RPH3AL: variants seen among roughly 807,000 people sequenced by gnomAD.
RPH3AL encodes rab effector Noc2.
RPH3AL carries 38 observed loss-of-function variants against 43.1 expected under a neutral mutation model. That is an observed-to-expected ratio of 0.88 (90% CI 0.68 to 1.15). The LOEUF (loss-of-function observed/expected upper bound fraction) is 1.15, where lower values mean the gene tolerates loss of function less well. Among genes scored for constraint, RPH3AL ranks in the 50% most tolerant of loss-of-function variants. The pLI is 0.00. For missense variants in RPH3AL, 462 were observed against 423.2 expected (o/e 1.09, Z -0.81); for synonymous variants, 189 against 176.3 (o/e 1.07, Z -0.57).
At chr17:223,463 C>T (rs912316368) in intron 7 of RPH3AL, among the ~76,000 whole-genome samples, 3 of 152,236 alleles carry the variant, frequency 2.0e-5, no homozygotes, top group African/African-American at 7.2e-5. Context: ...GCGGGTTGAG[C>T]TCTTATGCCA....
At chr17:293,912 C>T (rs1309151424) in intron 5 of RPH3AL, among the ~76,000 whole-genome samples, 1 of 151,946 alleles carries the variant, frequency 6.6e-6, no homozygotes, top group Non-Finnish European at 1.5e-5. Context: ...ACCCGGAATC[C>T]CAGCTACTTG....
chr17:315,840 C>A (rs1555520238), intron 5 of RPH3AL, among the ~76,000 whole-genome samples: 49 of 151,536 alleles, frequency 3.2e-4, no homozygotes, highest in Admixed American at 6.6e-4. Flanking sequence ...CCTGTGCCCC[C>A]ACCTCCATTG....
At chr17:235,651 A>C (rs372043634) in intron 7 of RPH3AL, among the ~76,000 whole-genome samples, 210 of 72,586 alleles carry the variant, frequency 2.9e-3, no homozygotes, top group South Asian at 4.1e-3. Flanking sequence ...AGATGGATCC[A>C]GGGTTCAAAG....
chr17:223,571 G>A (rs1358855712), intron 7 of RPH3AL, among the ~76,000 whole-genome samples: 3 of 152,222 alleles, frequency 2.0e-5, no homozygotes, highest in Non-Finnish European at 4.4e-5. Flanking sequence ...ATACTGCGGT[G>A]GCTAGCACGT....
chr17:320,642 C>G lies in RPH3AL; in HGVS notation c.221+630G>C, dbSNP rs542220126. Among the ~76,000 whole-genome samples the G allele has an allele frequency of 2.7e-5, 4 of 148,072 alleles. No homozygotes were observed. The East Asian group carries it at 7.8e-4, about 29-fold the overall frequency. On this transcript the variant is annotated intron_variant, in intron 4 of 9. Coordinates refer to ENST00000331302, the MANE Select transcript of RPH3AL (RefSeq NM_006987.4). ...CTGCAGAGTGAGACCCTGTCCCCCC[C>G]AAAAAAAAAAGAAAAGGAAAAGAAA... is the stretch of plus-strand genomic sequence containing the variant.
At position 246,035 on chromosome 17, in the gene RPH3AL, C is replaced by A. The variant is rs1330701102; in HGVS notation, c.613+1076G>T. On this transcript the variant is annotated intron_variant, in intron 7 of 9. Coordinates refer to ENST00000331302, the MANE Select transcript of RPH3AL (RefSeq NM_006987.4). The surrounding 1 kb of genome is among the most constrained non-coding windows in gnomAD (Gnocchi z 4.8). The stretch of plus-strand genomic sequence containing the variant: ...CACCAAGGCACAGATGCCGACCTAC[C>A]TGGCAGGTCCACGTATGGGGGATTT... Among the ~76,000 whole-genome samples, 2 of 152,198 alleles carry A rather than the reference C, an allele frequency of 1.3e-5. No individual in the cohort carries two copies. The highest frequency in any genetic ancestry group is 2.1e-4 in the South Asian group (1 of 4,830).
intron 7 of RPH3AL, among the ~76,000 whole-genome samples, chr17:242,328 TATTG>T (rs1221313984): frequency 8.8e-6 from 1 of 113,674 alleles, no homozygotes; most frequent in African/African-American, 3.4e-5. Context: ...TACCTTCCTC[TATTG>T]ACTACCTTCC....
At chr17:292,616 G>A (rs1050770391) in intron 5 of RPH3AL, among the ~76,000 whole-genome samples, 2 of 152,064 alleles carry the variant, frequency 1.3e-5, no homozygotes, top group Admixed American at 6.5e-5. Context: ...TGCCCCAGCC[G>A]GGCCTGGCTG....
At position 264,804 on chromosome 17, in the gene RPH3AL, A is replaced by G. The variant is rs75417451; in HGVS notation, c.438+16964T>C. 5.5e-3 allele frequency among the ~76,000 whole-genome samples: 833 copies of G among 152,324 alleles called. 6 individuals carry two copies. The highest frequency in any genetic ancestry group is 0.019 in the African/African-American group (782 of 41,564). ...TTACAGGTATATCACAGCTCAGGTG[A>G]CCAATGGTTGAAGTGAAATAAACAT... On this transcript the variant is annotated intron_variant, in intron 6 of 9. Coordinates refer to ENST00000331302, the MANE Select transcript of RPH3AL (RefSeq NM_006987.4). The surrounding 1 kb of genome is among the most constrained non-coding windows in gnomAD (Gnocchi z 4.8).
At chr17:300,837 C>A in intron 5 of RPH3AL, among the ~76,000 whole-genome samples, 1 of 147,990 alleles carries the variant, frequency 6.8e-6, no homozygotes, top group East Asian at 2.0e-4. Flanking sequence ...CAGGGGCTGG[C>A]CCAGCCTAGG....
chr17:312,927 G>A (rs1290813403), intron 5 of RPH3AL, among the ~76,000 whole-genome samples: 1 of 152,210 alleles, frequency 6.6e-6, no homozygotes, highest in African/African-American at 2.4e-5. Context: ...GGAACACGGA[G>A]GCACTCCTGA....
intron 2 of RPH3AL, among the ~76,000 whole-genome samples, chr17:329,780 T>C (rs2044705548): frequency 6.6e-6 from 1 of 152,264 alleles, no homozygotes; most frequent in Admixed American, 6.5e-5. Context: ...GCAGGTTGTT[T>C]CGCTGAAGTC....
chr17:236,069 G>A (rs1182667740), intron 7 of RPH3AL, among the ~76,000 whole-genome samples: 1 of 150,744 alleles, frequency 6.6e-6, no homozygotes, highest in Non-Finnish European at 1.5e-5. Flanking sequence ...CAAAGCTGGG[G>A]TCGGCCACAT....
chr17:215,914 A>G lies in RPH3AL; in HGVS notation c.728-112T>C, dbSNP rs1004399906. Reference sequence around the variant, plus strand: ...CTATGGGATGTCTGCCCCCCACCCCACCCACATGGCTGCCAGGCTCTGGCC... The same window carrying G: ...CTATGGGATGTCTGCCCCCCACCCCGCCCACATGGCTGCCAGGCTCTGGCC... On this transcript the variant is annotated intron_variant, in intron 8 of 9. Coordinates refer to ENST00000331302, the MANE Select transcript of RPH3AL (RefSeq NM_006987.4). This position sits in a 1 kb window ranked among gnomAD's most constrained non-coding sequence, Gnocchi z 4.1. The G allele has an allele frequency of 7.5e-6, 8 of 1,069,250 alleles. No homozygotes were observed. In the African/African-American group the frequency reaches 1.3e-4, roughly 18 times the overall value. The allele number at this position is 1,069,250 out of a possible 1,614,324, so 66.2% of individuals were successfully genotyped here.
intron 5 of RPH3AL, among the ~76,000 whole-genome samples, chr17:318,605 A>G (rs138663752): frequency 6.6e-6 from 1 of 151,878 alleles, no homozygotes; most frequent in East Asian, 1.9e-4. Context: ...AAAAAAAAAT[A>G]GCCTCCATAT....
intron 5 of RPH3AL, among the ~76,000 whole-genome samples, chr17:299,685 G>A (rs1412826160): frequency 6.6e-6 from 1 of 152,264 alleles, no homozygotes; most frequent in South Asian, 2.1e-4. Flanking sequence ...GTGCCAGCTT[G>A]CAGGGCACGG....
chr17:325,910 C>A (rs191873723), intron 3 of RPH3AL, among the ~76,000 whole-genome samples: 2 of 152,280 alleles, frequency 1.3e-5, no homozygotes. Flanking sequence ...AGAGACTGTG[C>A]CAGGTACTAC....
Position 213,730 on chromosome 17 carries a change from C to G in RPH3AL, c.*122G>C. On this transcript the variant is annotated 3_prime_UTR_variant, in exon 10 of 10. Coordinates refer to ENST00000331302, the MANE Select transcript of RPH3AL (RefSeq NM_006987.4). The stretch of plus-strand genomic sequence containing the variant: ...CTGGGGAGGCAGACGGCTCCCAACA[C>G]TGGTTTGTTGAGTCATGGCCAACAG... 1.3e-6 allele frequency: 1 copy of G among 792,388 alleles called. No individual in the cohort carries two copies. The highest frequency in any genetic ancestry group is 2.2e-6 in the Non-Finnish European group (1 of 464,894). The allele number at this position is 792,388 out of a possible 1,614,324, so 49.1% of individuals were successfully genotyped here. A position where few individuals can be genotyped will look rare whatever the true frequency, so the allele number is the denominator to read the frequency against.
At chr17:243,017 GAAT>G in intron 7 of RPH3AL, among the ~76,000 whole-genome samples, 1 of 114,854 alleles carries the variant, frequency 8.7e-6, no homozygotes, top group East Asian at 2.7e-4. Flanking sequence ...TTCCTCTATT[GAAT>G]ACCTTCCTCT....
Sources: allele counts gnomAD v4.1 joint callset (sites outside exome capture counted in the v4.1 genomes callset), GRCh38; gene constraint gnomAD v4.1.1; non-coding constraint Gnocchi (gnomAD v3.1); transcripts MANE v1.5; gene names NCBI Gene and HGNC (gene_info 2026-07-23, HGNC 2026-07-21).